PAK5: variants seen among roughly 807,000 people sequenced by gnomAD.
The protein encoded by PAK5 is p21 (RAC1) activated kinase 5, also known as serine/threonine-protein kinase PAK 5.
In PAK5, 16 loss-of-function variants were observed where a neutral mutation model predicts 65.9. The ratio of observed to expected loss-of-function variants is 0.24; its 90% CI spans 0.16 to 0.37. The LOEUF is 0.37. Among genes scored for constraint, PAK5 ranks in the 10% least tolerant of loss-of-function variants. The pLI is 1.00. For synonymous variants in PAK5, 371 were observed against 354.9 expected, an observed-to-expected ratio of 1.05 and a Z score of -0.51; for missense variants, 785 against 903.9, an observed-to-expected ratio of 0.87 and a Z score of 1.69.
chr20:9,724,912 G>A (rs527483043), intron 1 of PAK5, among the ~76,000 whole-genome samples: 19 of 152,146 alleles, frequency 1.2e-4, no homozygotes, highest in Admixed American at 6.5e-4. Flanking sequence ...TGGATTGTTC[G>A]AAACACAAAG....
chr20:9,550,499 T>C (rs1343017647), intron 7 of PAK5, among the ~76,000 whole-genome samples: 1 of 151,966 alleles, frequency 6.6e-6, no homozygotes, highest in Non-Finnish European at 1.5e-5. Flanking sequence ...TAAGTGAAGG[T>C]GGAGAGGAGA....
At chr20:9,813,247 A>C (rs2049318761) in intron 1 of PAK5, among the ~76,000 whole-genome samples, 1 of 152,136 alleles carries the variant, frequency 6.6e-6, no homozygotes, top group African/African-American at 2.4e-5. Context: ...CTACGGGAAG[A>C]AGTGGTAGAG....
At chr20:9,592,943 C>T (rs540779566) in intron 3 of PAK5, among the ~76,000 whole-genome samples, 28 of 152,134 alleles carry the variant, frequency 1.8e-4, no homozygotes, top group Admixed American at 1.4e-3. Context: ...GATACAAGCC[C>T]GTAGCTGAAA....
At chr20:9,785,400 G>A (rs534805187) in intron 1 of PAK5, among the ~76,000 whole-genome samples, 14 of 152,156 alleles carry the variant, frequency 9.2e-5, no homozygotes, top group Non-Finnish European at 2.1e-4. Context: ...GAATTTTAAT[G>A]TTATATTTCA....
rs180839973 is a variant in PAK5, at chr20:9,563,124, A to G, written c.1483-100T>C. ...ATTGTAAGTAAACTGATTGAGAGGT[A>G]CTGATTGTGGGGAAGTTTATTCAGA... On this transcript the variant is annotated intron_variant, in intron 5 of 9. Coordinates refer to ENST00000353224, the MANE Select transcript of PAK5 (RefSeq NM_177990.4). 1,526 of 1,043,696 alleles carry G rather than the reference A, an allele frequency of 1.5e-3. 3 individuals carry two copies. Among genetic ancestry groups the G allele is most frequent in the South Asian group, 2.3e-3 (170 of 73,786 alleles). 64.7% of individuals were successfully genotyped at this position (1,043,696 alleles called of 1,614,324 possible).
chr20:9,686,685 A>G (rs1006416503), intron 2 of PAK5, among the ~76,000 whole-genome samples: 2 of 152,112 alleles, frequency 1.3e-5, no homozygotes, highest in Admixed American at 6.6e-5. Context: ...AGGCCTCAAC[A>G]TCTTTTGTTT....
intron 1 of PAK5, among the ~76,000 whole-genome samples, chr20:9,715,240 T>C (rs2123499061): frequency 6.6e-6 from 1 of 152,160 alleles, no homozygotes; most frequent in Non-Finnish European, 1.5e-5. Context: ...GCAAAGGATA[T>C]GAACAGACAC....
chr20:9,822,802 G>C (rs547255963), intron 1 of PAK5, among the ~76,000 whole-genome samples: 235 of 152,360 alleles, frequency 1.5e-3, no homozygotes, highest in African/African-American at 5.5e-3. Context: ...TGGAAGTACA[G>C]AGAAACTAAC....
chr20:9,751,454 T>A (rs377166918), intron 1 of PAK5, among the ~76,000 whole-genome samples: 27 of 152,238 alleles, frequency 1.8e-4, no homozygotes, highest in African/African-American at 6.3e-4. Flanking sequence ...TAAAAGGAAA[T>A]CAAAAGCACC....
chr20:9,751,665 C>G (rs924548088), intron 1 of PAK5, among the ~76,000 whole-genome samples: 7 of 152,114 alleles, frequency 4.6e-5, no homozygotes, highest in Admixed American at 2.0e-4. Context: ...TTGTAAGAGT[C>G]ATCACTATAT....
rs1276815054 is a variant in PAK5, at chr20:9,793,865, GAC to G, written c.-162+44895_-162+44896del. Among the ~76,000 whole-genome samples the G allele has an allele frequency of 2.0e-5, 3 of 152,178 alleles. No homozygotes were observed. The East Asian group carries it at 5.8e-4, about 29-fold the overall frequency. On this transcript the variant is annotated intron_variant, in intron 1 of 9. Transcript: ENST00000353224. ...GGATTATAAATCATTTTACTATAAA[GAC>G]ACATGCACACATATGTTTACTGCAG...
chr20:9,739,936 C>G (rs970357311), intron 1 of PAK5, among the ~76,000 whole-genome samples: 2 of 152,134 alleles, frequency 1.3e-5, no homozygotes, highest in Non-Finnish European at 2.9e-5. Flanking sequence ...CTGAAGCAGT[C>G]AAAGTCTTTG....
intron 3 of PAK5, among the ~76,000 whole-genome samples, chr20:9,630,298 T>G (rs2046904780): frequency 6.6e-6 from 1 of 152,108 alleles, no homozygotes; most frequent in Admixed American, 6.5e-5. Flanking sequence ...GTTAGAAACT[T>G]AGAAAGATCA....
chr20:9,639,666 C>A (rs1328174767), intron 3 of PAK5, among the ~76,000 whole-genome samples: 2 of 152,204 alleles, frequency 1.3e-5, no homozygotes, highest in African/African-American at 2.4e-5. Flanking sequence ...TTAGTCTTTT[C>A]ATTTCATATG....
At chr20:9,658,522 C>T (rs779823934) in intron 2 of PAK5, among the ~76,000 whole-genome samples, 17 of 152,144 alleles carry the variant, frequency 1.1e-4, no homozygotes, top group South Asian at 2.1e-4. Flanking sequence ...ATAAGACCAA[C>T]GCAGATTCAA....
chr20:9,622,660 G>A (rs896118512), intron 3 of PAK5, among the ~76,000 whole-genome samples: 16 of 152,182 alleles, frequency 1.1e-4, no homozygotes, highest in African/African-American at 2.7e-4. Flanking sequence ...GATCAGCAGC[G>A]ACATTATATT....
At chr20:9,686,023 C>G (rs6077587) in intron 2 of PAK5, among the ~76,000 whole-genome samples, 2 of 152,102 alleles carry the variant, frequency 1.3e-5, no homozygotes, top group African/African-American at 4.8e-5. Context: ...CTAAATAAGC[C>G]TTAAATAATT....
chr20:9,661,289 T>G (rs1381670380), intron 2 of PAK5, among the ~76,000 whole-genome samples: 1 of 152,176 alleles, frequency 6.6e-6, no homozygotes, highest in Non-Finnish European at 1.5e-5. Context: ...CATTTTGACA[T>G]GCTGAACTGA....
intron 2 of PAK5, among the ~76,000 whole-genome samples, chr20:9,677,948 C>A (rs1369557474): frequency 1.3e-5 from 2 of 152,094 alleles, no homozygotes; most frequent in African/African-American, 4.8e-5. Context: ...ACAATTTTTT[C>A]AACTTTCTGA....
Sources: gnomAD v4.1 joint callset for allele counts (sites outside exome capture counted in the v4.1 genomes callset) on GRCh38, gnomAD v4.1.1 for gene constraint, MANE v1.5 for transcripts, NCBI Gene and HGNC (gene_info 2026-07-23, HGNC 2026-07-21) for gene names.